PHF20L1: variants seen among roughly 807,000 people sequenced by gnomAD.
PHF20L1 encodes the protein PHD finger protein 20 like 1, also known as PHD finger protein 20-like protein 1.
In PHF20L1, 44 loss-of-function variants were observed where a neutral mutation model predicts 125.5. The observed-to-expected ratio is 0.35, with a 90% CI of 0.28 to 0.45. The LOEUF (loss-of-function observed/expected upper bound fraction) is 0.45. Among genes scored for constraint, PHF20L1 ranks in the 20% least tolerant of loss-of-function variants. The pLI, the probability that PHF20L1 is intolerant of heterozygous loss-of-function variation, is 1.00. For missense variants in PHF20L1, 1,012 were observed against 1,217.2 expected (o/e 0.83, Z 2.51); for synonymous variants, 380 against 403.1 (o/e 0.94, Z 0.69).
At chr8:132,790,037 A>G (rs539143033) in intron 2 of PHF20L1, among the ~76,000 whole-genome samples, 1 of 152,278 alleles carries the variant, frequency 6.6e-6, no homozygotes, top group South Asian at 2.1e-4. Context: ...AATTACTCAT[A>G]AATGTCTGGG....
chr8:132,842,562 G>A lies in PHF20L1; in HGVS notation c.2435G>A (p.Arg812Gln), dbSNP rs770695405. The A allele has an allele frequency of 1.8e-5, 29 of 1,610,872 alleles. No homozygotes were observed. Among genetic ancestry groups the A allele is most frequent in the African/African-American group, 1.2e-4 (9 of 74,454 alleles). Residue 812 changes from arginine (R) to glutamine (Q), a missense_variant, in exon 19 of 21, where the codon CGA becomes CAA. This residue lies in a region of PHF20L1 where 277 missense variants were observed against 283.6 expected (regional missense o/e 0.98). Coordinates refer to ENST00000395386, the MANE Select transcript of PHF20L1 (RefSeq NM_016018.5). ...DLHLWACSGK[R>Q]KDQDQIIAGV... ...CATCTCTGGGCTTGTTCCGGGAAGC[G>A]AAAAGACCAAGATCAAATAATAGCT...
In PHF20L1 at chr8:132,803,978, G is replaced by A. The variant is rs770053943; in HGVS notation, c.667G>A (p.Ala223Thr). ...GAAGGAGGAAACTTCAACTTGTATAGCCACACCAGACGTAGAGAAGAAGGA... is the reference window on the plus strand; with the variant it reads ...GAAGGAGGAAACTTCAACTTGTATAACCACACCAGACGTAGAGAAGAAGGA... ...SKKEETSTCI[A>T]TPDVEKKEDL... The change falls in exon 7 of 21, where the codon GCC (alanine) becomes ACC (threonine). Residue 223 changes from alanine (A) to threonine (T), a missense_variant. Ala to Thr is a moderately conservative substitution (Grantham distance 58, BLOSUM62 0). Around this residue, in one of 7 missense-constraint regions of PHF20L1, gnomAD observed 134 missense variants for 145.9 expected, o/e 0.92. Transcript: ENST00000395386. 11 of 1,612,236 alleles carry A rather than the reference G, an allele frequency of 6.8e-6. No individual in the cohort carries two copies. Among genetic ancestry groups the A allele is most frequent in the Non-Finnish European group, 8.5e-6 (10 of 1,178,762 alleles).
At chr8:132,807,124 A>G (rs1187209315) in intron 8 of PHF20L1, 1 of 152,190 alleles carries the variant, frequency 6.6e-6, no homozygotes, top group African/African-American at 2.4e-5. Flanking sequence ...ATACATACAG[A>G]TATACATATA....
chr8:132,806,621 AAGAC>A (rs1270537988), intron 8 of PHF20L1: 2 of 152,098 alleles, frequency 1.3e-5, no homozygotes, highest in African/African-American at 4.8e-5. Flanking sequence ...GTCATGCAAA[AAGAC>A]AGTAGATATT....
Position 132,814,851 on chromosome 8 carries a change from T to A in PHF20L1, c.1145T>A (p.Leu382His). 6.2e-7 allele frequency: 1 copy of A among 1,610,052 alleles called. No individual in the cohort carries two copies. The highest frequency in any genetic ancestry group is 8.5e-7 in the Non-Finnish European group (1 of 1,176,916). Reference protein sequence around the residue: ...PELIQVEDLTLVSQLSSSVIN... With the variant: ...PELIQVEDLTHVSQLSSSVIN... ...TTAATACAAGTCGAGGATTTGACGC[T>A]TGTATCTCAGCTTTCTTCTTCAGTG... Residue 382 changes from leucine (L) to histidine (H), a missense_variant, in exon 10 of 21, where the codon CTT becomes CAT. By Grantham distance (99) the Leu-to-His change is moderately conservative. Coordinates refer to ENST00000395386, the MANE Select transcript of PHF20L1 (RefSeq NM_016018.5).
intron 12 of PHF20L1, among the ~76,000 whole-genome samples, chr8:132,823,553 T>A (rs937617639): frequency 6.6e-6 from 1 of 151,984 alleles, no homozygotes. Flanking sequence ...CTGGAAATAG[T>A]GTAGTGTCAA....
At chr8:132,812,563 A>G in intron 9 of PHF20L1, 1 of 984,518 alleles carries the variant, frequency 1.0e-6, no homozygotes, top group Non-Finnish European at 1.2e-6. Flanking sequence ...ACAATCATTA[A>G]TGAAAACCTT....
Position 132,847,450 on chromosome 8 carries a change from G to T in PHF20L1, c.*1527G>T, listed in dbSNP as rs1198638060. 1 of 152,368 alleles carries T rather than the reference G, an allele frequency of 6.6e-6. No individual in the cohort carries two copies. Among genetic ancestry groups the T allele is most frequent in the African/African-American group, 2.4e-5 (1 of 41,288 alleles). 9.4% of individuals were successfully genotyped at this position (152,368 alleles called of 1,614,324 possible). On this transcript the variant is annotated 3_prime_UTR_variant, in exon 21 of 21. Coordinates refer to ENST00000395386, the MANE Select transcript of PHF20L1 (RefSeq NM_016018.5). The stretch of plus-strand genomic sequence containing the variant: ...GTATAAATGCATTTTAGAACTGATA[G>T]ACAGTAAACTTGAATTTATCTTTGA...
At chr8:132,812,351 C>G in intron 9 of PHF20L1, 5 of 983,418 alleles carry the variant, frequency 5.1e-6, no homozygotes, top group African/African-American at 1.7e-5. Flanking sequence ...CACAATCCTG[C>G]TGAGGTGAAT....
At chr8:132,799,223 G>A (rs1403480625) in intron 6 of PHF20L1, 51 bp downstream of exon 6, 2 of 1,074,600 alleles carry the variant, frequency 1.9e-6, no homozygotes, top group Non-Finnish European at 2.7e-6. Flanking sequence ...GGTATATAAT[G>A]TCATTTAGAA....
At chr8:132,821,946 C>T (rs1325302967) in intron 12 of PHF20L1, among the ~76,000 whole-genome samples, 1 of 151,754 alleles carries the variant, frequency 6.6e-6, no homozygotes, top group African/African-American at 2.4e-5. Context: ...AAAATAAGGA[C>T]GAGATCGTGA....
At chr8:132,800,136 G>GT (rs1832877673) in intron 6 of PHF20L1, among the ~76,000 whole-genome samples, 1 of 145,314 alleles carries the variant, frequency 6.9e-6, no homozygotes, top group Non-Finnish European at 1.5e-5. Context: ...TTAAAACTTT[G>GT]TTTTTTCAAA....
chr8:132,786,894 T>C (rs1479909477), intron 2 of PHF20L1, among the ~76,000 whole-genome samples: 2 of 152,150 alleles, frequency 1.3e-5, no homozygotes, highest in African/African-American at 4.8e-5. Flanking sequence ...GCAGGAGGAA[T>C]TGATGTAAAT....
chr8:132,815,544 G>A (rs1834878041), intron 10 of PHF20L1: 1 of 151,834 alleles, frequency 6.6e-6, no homozygotes, highest in Non-Finnish European at 1.5e-5. Flanking sequence ...CTAAGTTGGA[G>A]ACATGAATAA....
intron 18 of PHF20L1, 28 bp downstream of exon 18, chr8:132,839,610 C>T (rs1208452785): frequency 6.5e-7 from 1 of 1,545,258 alleles, no homozygotes; most frequent in East Asian, 2.3e-5. Context: ...AAGGGAGGGT[C>T]ACACTTCAGT....
chr8:132,791,287 T>A, intron 2 of PHF20L1, among the ~76,000 whole-genome samples: 1 of 148,454 alleles, frequency 6.7e-6, no homozygotes, highest in Non-Finnish European at 1.5e-5. Context: ...TAATACGGAG[T>A]TTCACTATTG....
intron 9 of PHF20L1, chr8:132,811,407 TTAAC>T (rs1163867247): frequency 9.2e-7 from 1 of 1,088,862 alleles, no homozygotes; most frequent in Non-Finnish European, 1.1e-6. Flanking sequence ...TGGATCACCT[TTAAC>T]TAGCTTACAA....
At chr8:132,832,498 T>C in intron 15 of PHF20L1, 99 bp downstream of exon 15, 1 of 798,914 alleles carries the variant, frequency 1.3e-6, no homozygotes, top group South Asian at 2.1e-5. Flanking sequence ...ATTTAAAAAC[T>C]TGTTAGCTAA....
At chr8:132,797,293 T>C (rs1280581097) in intron 4 of PHF20L1, among the ~76,000 whole-genome samples, 1 of 151,866 alleles carries the variant, frequency 6.6e-6, no homozygotes, top group African/African-American at 2.4e-5. Context: ...CAAAACAAAA[T>C]GAACAATTGT....
Sources: gnomAD v4.1 joint callset for allele counts (sites outside exome capture counted in the v4.1 genomes callset) on GRCh38, gnomAD v4.1.1 for gene constraint, gnomAD v4.1.1 regional missense constraint, MANE v1.5 for transcripts, NCBI Gene and HGNC (gene_info 2026-07-23, HGNC 2026-07-21) for gene names.